SI: variants seen among roughly 807,000 people sequenced by gnomAD.
SI encodes sucrase-isomaltase.
Under a neutral mutation model 253.3 loss-of-function variants are expected in SI, and 235 were observed. That is an observed-to-expected ratio of 0.93 (90% CI 0.83 to 1.03). The LOEUF (loss-of-function observed/expected upper bound fraction) is 1.03. SI is among the 50% of genes least tolerant of loss of function. The pLI, the probability that SI is intolerant of heterozygous loss-of-function variation, is 0.00. For missense variants in SI, 2,442 were observed against 2,211.1 expected (o/e 1.10, Z -2.09); for synonymous variants, 819 against 712.0 (o/e 1.15, Z -2.39).
At chr3:165,025,651 C>T (rs1239758880) in intron 25 of SI, among the ~76,000 whole-genome samples, 1 of 151,180 alleles carries the variant, frequency 6.6e-6, no homozygotes. Context: ...CAGCAGAAAC[C>T]CTACAAGCTA....
chr3:164,981,397 C>A (rs1052311214), intron 47 of SI, among the ~76,000 whole-genome samples: 9 of 151,992 alleles, frequency 5.9e-5, no homozygotes, highest in African/African-American at 2.2e-4. Context: ...GGACCTAGGA[C>A]TGTGTCCAAA....
chr3:164,992,434 A>C, intron 41 of SI, 37 bp from the exon 42 acceptor site: 1 of 1,354,180 alleles, frequency 7.4e-7, no homozygotes, highest in South Asian at 1.2e-5. Flanking sequence ...AATTAAAACA[A>C]ATAACTTTCT....
At chr3:165,068,949 A>T in intron 4 of SI, 118 bp from the exon 5 acceptor site, 2 of 987,074 alleles carry the variant, frequency 2.0e-6, no homozygotes, top group Non-Finnish European at 3.2e-6. Context: ...TGTTACAATC[A>T]TGCAAAAATA....
chr3:165,054,465 C>T (rs1482352127), intron 13 of SI, among the ~76,000 whole-genome samples: 3 of 152,050 alleles, frequency 2.0e-5, no homozygotes, highest in Admixed American at 6.6e-5. Context: ...CTCCACCTCC[C>T]GGGTTCAAGC....
At chr3:164,989,412 G>T (rs1032222845) in intron 44 of SI, among the ~76,000 whole-genome samples, 1 of 144,554 alleles carries the variant, frequency 6.9e-6, no homozygotes, top group Admixed American at 7.0e-5. Flanking sequence ...AAGAAAGAAA[G>T]AAAGAAAGAA....
chr3:165,016,841 A>G (rs1032485631), intron 31 of SI, among the ~76,000 whole-genome samples: 4 of 151,836 alleles, frequency 2.6e-5, no homozygotes, highest in Non-Finnish European at 5.9e-5. Context: ...ATGTTTCTGT[A>G]TTGTCAACAT....
At chr3:165,047,618 C>T (rs929143129) in intron 15 of SI, among the ~76,000 whole-genome samples, 4 of 151,970 alleles carry the variant, frequency 2.6e-5, no homozygotes, top group Non-Finnish European at 4.4e-5. Context: ...TGACTCCAAT[C>T]ATCCTTTATC....
chr3:165,048,575 A>ATG (rs1713252722), intron 15 of SI, among the ~76,000 whole-genome samples: 1 of 106,530 alleles, frequency 9.4e-6, no homozygotes, highest in South Asian at 3.0e-4. Flanking sequence ...ATGTATATAT[A>ATG]TATATATATA....
At chr3:165,013,225 A>G (rs1718853094) in intron 33 of SI, among the ~76,000 whole-genome samples, 183 bp from the exon 34 acceptor site, 1 of 152,150 alleles carries the variant, frequency 6.6e-6, no homozygotes, top group South Asian at 2.1e-4. Flanking sequence ...CCCATTTTCC[A>G]TGTTAGTCTC....
Position 164,982,394 on chromosome 3 carries a change from G to A in SI, c.5264C>T (p.Thr1755Ile). Reference sequence around the variant, plus strand: ...ATTTATGTAACCTCTCTTCAATATAGTGCTTGTTAAGGTGGTCTATAAATA... The same window carrying A: ...ATTTATGTAACCTCTCTTCAATATAATGCTTGTTAAGGTGGTCTATAAATA... ...FNLNQTTLTS[T>I]ILKRGYINKS... The change falls in exon 47 of 48, where the codon ACT (threonine) becomes ATT (isoleucine). Residue 1755 changes from threonine (T) to isoleucine (I), a missense_variant. By Grantham distance (89) the Thr-to-Ile change is moderately conservative. Transcript: ENST00000264382. The A allele has an allele frequency of 1.9e-6, 3 of 1,611,252 alleles. No homozygotes were observed. The highest frequency in any genetic ancestry group is 2.5e-6 in the Non-Finnish European group (3 of 1,178,018).
intron 44 of SI, among the ~76,000 whole-genome samples, chr3:164,989,066 C>T (rs1717574774): frequency 6.7e-6 from 1 of 149,796 alleles, no homozygotes; most frequent in African/African-American, 2.5e-5. Context: ...GCACATGTAC[C>T]CTAAAACTTA....
chr3:165,059,349 T>A, intron 10 of SI, 50 bp from the exon 11 acceptor site: 1 of 1,569,340 alleles, frequency 6.4e-7, no homozygotes, highest in Non-Finnish European at 8.8e-7. Flanking sequence ...AAGAGCTCTC[T>A]AATCAAGTCA....
At chr3:165,027,885 A>G (rs1712011952) in intron 25 of SI, among the ~76,000 whole-genome samples, 1 of 151,488 alleles carries the variant, frequency 6.6e-6, no homozygotes, top group Non-Finnish European at 1.5e-5. Context: ...GGAACAAGAC[A>G]AAGATGGCCA....
intron 33 of SI, 146 bp from the exon 34 acceptor site, chr3:165,013,188 T>A: frequency 1.4e-6 from 1 of 709,624 alleles, no homozygotes; most frequent in Non-Finnish European, 2.6e-6. Context: ...TCATTATTAT[T>A]GACACACATA....
the SI span, among the ~76,000 whole-genome samples, chr3:165,088,869 C>A: frequency 6.6e-6 from 1 of 151,674 alleles, no homozygotes; most frequent in African/African-American, 2.4e-5. Flanking sequence ...AAGAACTAAA[C>A]TTTAACTATG....
intron 44 of SI, among the ~76,000 whole-genome samples, chr3:164,989,954 G>A (rs150483369): frequency 0.011 from 1,606 of 152,264 alleles, 29 homozygotes; most frequent in African/African-American, 0.036. Flanking sequence ...CACAAAGGAT[G>A]TTTAGGTCAG....
chr3:165,033,029 A>G (rs1410504141), intron 23 of SI, among the ~76,000 whole-genome samples: 1 of 151,488 alleles, frequency 6.6e-6, no homozygotes, highest in East Asian at 1.9e-4. Flanking sequence ...TCTATTAACT[A>G]TTCAAAATTT....
At chr3:165,017,905 C>G (rs199566958) in intron 29 of SI, 32 bp from the exon 30 acceptor site, 1 of 1,576,732 alleles carries the variant, frequency 6.3e-7, no homozygotes, top group Non-Finnish European at 8.7e-7. Context: ...CCATTTTCAT[C>G]TATGTATACT....
At chr3:165,071,812 G>A (rs894900909) in intron 3 of SI, among the ~76,000 whole-genome samples, 1 of 152,060 alleles carries the variant, frequency 6.6e-6, no homozygotes, top group Non-Finnish European at 1.5e-5. Flanking sequence ...AGAAAGAGAG[G>A]CCTCACTAGA....
Sources: allele counts gnomAD v4.1 joint callset (sites outside exome capture counted in the v4.1 genomes callset), GRCh38; gene constraint gnomAD v4.1.1; transcripts MANE v1.5; gene names NCBI Gene and HGNC (gene_info 2026-07-23, HGNC 2026-07-21).